SCFD2: variants seen among roughly 807,000 people sequenced by gnomAD.
SCFD2 encodes sec1 family domain-containing protein 2.
In SCFD2, 54 loss-of-function variants were observed where a neutral mutation model predicts 58.9. That is an observed-to-expected ratio of 0.92 (90% CI 0.74 to 1.15). The LOEUF (loss-of-function observed/expected upper bound fraction) is 1.15, where lower values mean the gene tolerates loss of function less well. SCFD2 is among the 50% of genes most tolerant of loss of function. SCFD2 has a pLI of 0.00. For synonymous variants in SCFD2, 321 were observed against 335.9 expected, an observed-to-expected ratio of 0.96 and a Z score of 0.49; for missense variants, 805 against 836.6, an observed-to-expected ratio of 0.96 and a Z score of 0.47.
chr4:53,139,379 G>A (rs1251982879), intron 5 of SCFD2, among the ~76,000 whole-genome samples: 2 of 117,332 alleles, frequency 1.7e-5, no homozygotes, highest in Non-Finnish European at 4.2e-5. Flanking sequence ...CCCAGTCTGG[G>A]AAGTGAGGAG....
intron 4 of SCFD2, among the ~76,000 whole-genome samples, chr4:53,158,659 C>CA (rs1279900065): frequency 6.6e-6 from 1 of 152,124 alleles, no homozygotes; most frequent in African/African-American, 2.4e-5. Context: ...CACTCTAAAA[C>CA]AAAAAACTGA....
chr4:53,128,938 G>T (rs530165077), intron 5 of SCFD2, among the ~76,000 whole-genome samples: 2 of 152,246 alleles, frequency 1.3e-5, no homozygotes, highest in South Asian at 4.1e-4. Flanking sequence ...GTATGGAAAA[G>T]AACCCCCAAA....
intron 4 of SCFD2, among the ~76,000 whole-genome samples, chr4:53,214,862 T>C (rs559927700): frequency 2.3e-4 from 35 of 152,304 alleles, no homozygotes; most frequent in South Asian, 8.3e-4. Context: ...GTTTCAGCTC[T>C]CTACATATGG....
chr4:53,363,095 GTCTT>G (rs1461816697), intron 1 of SCFD2, among the ~76,000 whole-genome samples: 4 of 151,976 alleles, frequency 2.6e-5, no homozygotes, highest in Non-Finnish European at 4.4e-5. Flanking sequence ...TGGCAACTTT[GTCTT>G]TCTATGTGTC....
chr4:52,906,659 G>T (rs1719355832), intron 7 of SCFD2, among the ~76,000 whole-genome samples: 1 of 152,298 alleles, frequency 6.6e-6, no homozygotes, highest in African/African-American at 2.4e-5. Context: ...CTGTCCTCTG[G>T]GTTTTGGAGT....
At chr4:53,133,573 C>T (rs2148901852) in intron 5 of SCFD2, among the ~76,000 whole-genome samples, 1 of 152,090 alleles carries the variant, frequency 6.6e-6, no homozygotes, top group Middle Eastern at 3.4e-3. Context: ...TACATTAGAC[C>T]CAGACTTTTC....
At position 53,207,530 on chromosome 4, in the gene SCFD2, T is replaced by TATATA. The variant is rs375151293; in HGVS notation, c.1312-61949_1312-61948insTATAT. ...ATTATATATATTATATATATAATAT[T>TATATA]TATATATTATATATATAATATTTAT... On this transcript the variant is annotated intron_variant, in intron 4 of 8. Transcript: ENST00000401642. Among the ~76,000 whole-genome samples, 2 of 16,734 alleles carry TATATA rather than the reference T, an allele frequency of 1.2e-4. 1 individual carries two copies. The highest frequency in any genetic ancestry group is 1.9e-4 in the Non-Finnish European group (2 of 10,652). 11.0% of individuals were successfully genotyped at this position (16,734 alleles called of 152,430 possible).
intron 3 of SCFD2, among the ~76,000 whole-genome samples, chr4:53,304,069 T>A (rs1475821965): frequency 2.7e-5 from 4 of 150,934 alleles, no homozygotes; most frequent in Non-Finnish European, 5.9e-5. Flanking sequence ...AACCTGCACG[T>A]TGTGCACATG....
intron 4 of SCFD2, among the ~76,000 whole-genome samples, chr4:53,258,574 A>G (rs1013425784): frequency 7.0e-6 from 1 of 143,464 alleles, no homozygotes; most frequent in African/African-American, 2.6e-5. Flanking sequence ...ATATATATAT[A>G]TATACACACA....
chr4:53,211,350 C>A (rs747155036), intron 4 of SCFD2, among the ~76,000 whole-genome samples: 17 of 152,160 alleles, frequency 1.1e-4, no homozygotes, highest in Non-Finnish European at 7.4e-5. Flanking sequence ...AAGCTCCATT[C>A]CCCTTCCCCC....
chr4:52,899,795 C>G (rs986565948), intron 7 of SCFD2, among the ~76,000 whole-genome samples: 2 of 152,196 alleles, frequency 1.3e-5, no homozygotes, highest in Non-Finnish European at 2.9e-5. Flanking sequence ...ATCAGTTAGA[C>G]GTAGATTTGG....
chr4:53,291,529 C>T (rs1664142163), intron 3 of SCFD2, among the ~76,000 whole-genome samples: 2 of 151,850 alleles, frequency 1.3e-5, no homozygotes, highest in Non-Finnish European at 2.9e-5. Context: ...GAATCAATAT[C>T]ATGAAAATGT....
At chr4:53,224,995 AT>A (rs374664087) in intron 4 of SCFD2, among the ~76,000 whole-genome samples, 60 of 152,256 alleles carry the variant, frequency 3.9e-4, no homozygotes, top group African/African-American at 1.4e-3. Flanking sequence ...CAATAACTTA[AT>A]TTTTAACAAC....
At chr4:52,881,517 A>G (rs530301333) in intron 8 of SCFD2, among the ~76,000 whole-genome samples, 7 of 152,364 alleles carry the variant, frequency 4.6e-5, no homozygotes, top group African/African-American at 1.7e-4. Flanking sequence ...TGTCCTTAGC[A>G]TAAAAGACAA....
intron 5 of SCFD2, among the ~76,000 whole-genome samples, chr4:52,992,755 C>G (rs910480801): frequency 6.6e-6 from 1 of 152,202 alleles, no homozygotes; most frequent in East Asian, 1.9e-4. Flanking sequence ...GCCCGGCAGC[C>G]GCCCCATGTG....
intron 7 of SCFD2, among the ~76,000 whole-genome samples, chr4:52,886,460 A>G (rs1330977426): frequency 6.6e-6 from 1 of 152,226 alleles, no homozygotes; most frequent in African/African-American, 2.4e-5. Context: ...CTCAGGAACC[A>G]CCAAATGTGG....
Position 53,228,453 on chromosome 4 carries a change from C to T in SCFD2, c.1311+45373G>A, listed in dbSNP as rs116053220. On this transcript the variant is annotated intron_variant, in intron 4 of 8. Transcript: ENST00000401642. ...CACTTAAACTTGTTGTCTTCTGTTG[C>T]TTCAACAATAACATTACCTCTTTTA... Among the ~76,000 whole-genome samples the T allele has an allele frequency of 4.5e-3, 683 of 152,246 alleles. 3 individuals are homozygous for T. The highest frequency in any genetic ancestry group is 7.2e-3 in the Non-Finnish European group (487 of 68,010).
intron 5 of SCFD2, among the ~76,000 whole-genome samples, chr4:53,013,080 C>T (rs1195155043): frequency 6.6e-6 from 1 of 152,162 alleles, no homozygotes. Flanking sequence ...CACATTTGCA[C>T]TCTGTGTTTG....
At chr4:53,326,739 C>T (rs564156316) in intron 2 of SCFD2, among the ~76,000 whole-genome samples, 1 of 152,256 alleles carries the variant, frequency 6.6e-6, no homozygotes, top group African/African-American at 2.4e-5. Context: ...CCAACCAAGA[C>T]TGCCATTAAA....
Sources: allele counts gnomAD v4.1 joint callset (sites outside exome capture counted in the v4.1 genomes callset), GRCh38; gene constraint gnomAD v4.1.1; transcripts MANE v1.5; gene names NCBI Gene and HGNC (gene_info 2026-07-23, HGNC 2026-07-21).